G3BP2: variants seen among roughly 807,000 people sequenced by gnomAD.
G3BP2 encodes the protein G3BP stress granule assembly factor 2.
Under a neutral mutation model 56.7 loss-of-function variants are expected in G3BP2, and 11 were observed. That is an observed-to-expected ratio of 0.19 (90% CI 0.12 to 0.32). The LOEUF is 0.32. Among genes scored for constraint, G3BP2 ranks in the 10% least tolerant of loss-of-function variants. G3BP2 has a pLI of 1.00. For synonymous variants in G3BP2, 165 were observed against 191.6 expected (o/e 0.86, Z 1.15); for missense variants, 340 against 610.9 (o/e 0.56, Z 4.67).
intron 8 of G3BP2, 60 bp from the exon 9 acceptor site, chr4:75,648,801 A>C: frequency 1.0e-6 from 1 of 977,772 alleles, no homozygotes; most frequent in Non-Finnish European, 1.6e-6. Context: ...AAACCAACCA[A>C]AGCACCTAAC....
intron 3 of G3BP2, chr4:75,694,653 G>T: frequency 2.6e-6 from 1 of 389,508 alleles, no homozygotes; most frequent in Non-Finnish European, 3.5e-6. Context: ...TGGGAGAATC[G>T]CTTGAATCCG....
chr4:75,674,895 A>C (rs548741627), upstream of G3BP2, among the ~76,000 whole-genome samples: 1 of 151,174 alleles, frequency 6.6e-6, no homozygotes, highest in East Asian at 2.0e-4. Context: ...ACTAATTTTT[A>C]TATTTTTAGT....
chr4:75,700,320 G>A lies in G3BP2; in HGVS notation c.-25+20557C>T, dbSNP rs550339420. 8.1e-5 allele frequency among the ~76,000 whole-genome samples: 12 copies of A among 148,990 alleles called. No homozygotes were observed. The East Asian group carries it at 1.3e-3, about 16-fold the overall frequency. On this transcript the variant is annotated intron_variant, in intron 3 of 3. Coordinates refer to the G3BP2 transcript ENST00000499709. ...GCCAGACTTGGCCTCCCAAAGTGCT[G>A]GGATTACAGGCGTGAGCCACCACGC... is the stretch of plus-strand genomic sequence containing the variant.
At chr4:75,655,958 T>G (rs77397552) in intron 5 of G3BP2, 88 bp from the exon 6 acceptor site, 2 of 737,390 alleles carry the variant, frequency 2.7e-6, no homozygotes, top group African/African-American at 1.8e-5. Flanking sequence ...GGAAGTGGTA[T>G]GATAGCAAAA....
At chr4:75,673,649 C>T, upstream of G3BP2, 9 of 1,229,410 alleles carry the variant, frequency 7.3e-6, no homozygotes, top group Non-Finnish European at 9.1e-6. Context: ...TTTGACGTCA[C>T]AAGCAGGCTG....
At chr4:75,715,797 T>C (rs1205361990) in intron 3 of G3BP2, among the ~76,000 whole-genome samples, 1 of 152,194 alleles carries the variant, frequency 6.6e-6, no homozygotes, top group Non-Finnish European at 1.5e-5. Context: ...TGTTAAATAC[T>C]TCCTTTCACT....
At chr4:75,705,637 T>C (rs947060530) in intron 3 of G3BP2, among the ~76,000 whole-genome samples, 3 of 150,720 alleles carry the variant, frequency 2.0e-5, no homozygotes, top group African/African-American at 4.9e-5. Context: ...GGAAGGAGAG[T>C]GAGGGACAAA....
At chr4:75,707,794 A>C (rs1719609775) in intron 3 of G3BP2, among the ~76,000 whole-genome samples, 1 of 152,180 alleles carries the variant, frequency 6.6e-6, no homozygotes, top group African/African-American at 2.4e-5. Context: ...TGTGGCATTT[A>C]CTTAGAGCAG....
At chr4:75,668,528 T>C (rs747092534) in intron 1 of G3BP2, among the ~76,000 whole-genome samples, 3 of 151,884 alleles carry the variant, frequency 2.0e-5, no homozygotes, top group Non-Finnish European at 4.4e-5. Flanking sequence ...ATAACGCGAG[T>C]TGTCCAAATA....
intron 8 of G3BP2, among the ~76,000 whole-genome samples, chr4:75,650,064 G>T (rs1231621508): frequency 2.0e-5 from 3 of 152,114 alleles, no homozygotes; most frequent in Non-Finnish European, 4.4e-5. Flanking sequence ...GAGGACCTCA[G>T]TCCATGCAGC....
intron 1 of G3BP2, 143 bp from the exon 2 acceptor site, chr4:75,662,192 A>T: frequency 1.9e-6 from 1 of 537,496 alleles, no homozygotes. Context: ...AGTTCTGATA[A>T]CCCACTACCA....
At chr4:75,674,179 T>C (rs1159478210), upstream of G3BP2, among the ~76,000 whole-genome samples, 1 of 152,116 alleles carries the variant, frequency 6.6e-6, no homozygotes. Flanking sequence ...CCAAATCTTG[T>C]AGTCAAGGAA....
rs145115322 is a variant in G3BP2, at chr4:75,683,921, G to A, written c.-24-21872C>T. 1.4e-4 allele frequency among the ~76,000 whole-genome samples: 21 copies of A among 152,244 alleles called. 1 individual carries two copies. In the East Asian group the frequency reaches 3.9e-3, roughly 28 times the overall value. ...CCAAAGGCCTTTTGTGCACAAGAAA[G>A]CAGTCCTAGATAAAATGTGTTTGTA... On this transcript the variant is annotated intron_variant, in intron 3 of 3. Transcript: ENST00000499709.
intron 3 of G3BP2, among the ~76,000 whole-genome samples, chr4:75,689,840 G>T (rs1005286432): frequency 3.3e-5 from 5 of 152,120 alleles, no homozygotes; most frequent in Admixed American, 2.6e-4. Context: ...AGTAAAAGAC[G>T]CCAGACACAA....
rs992003343 is a variant in G3BP2 at position 75,673,307 on chromosome 4, G to A, written c.-124C>T. 25 of 1,226,370 alleles carry A rather than the reference G, an allele frequency of 2.0e-5. No homozygotes were observed. The highest frequency in any genetic ancestry group is 4.2e-5 in the South Asian group (1 of 23,616). The allele number at this position is 1,226,370 out of a possible 1,614,324, so 76.0% of individuals were successfully genotyped here. A position where few individuals can be genotyped will look rare whatever the true frequency, so the allele number is the denominator to read the frequency against. ...TTATTGCTCGCCGCCCCCTTCCTCC[G>A]ACAACTCGGAAGCCTCGGAAGCCGG... On this transcript the variant is annotated 5_prime_UTR_variant, in exon 1 of 12. Transcript: ENST00000359707.
chr4:75,674,538 T>A (rs944760377), upstream of G3BP2, among the ~76,000 whole-genome samples: 6 of 151,768 alleles, frequency 4.0e-5, no homozygotes, highest in Non-Finnish European at 1.5e-5. Flanking sequence ...GACCATCACT[T>A]TAATGAAATC....
chr4:75,659,638 T>C (rs1036193053), intron 2 of G3BP2, among the ~76,000 whole-genome samples: 1 of 152,208 alleles, frequency 6.6e-6, no homozygotes, highest in Non-Finnish European at 1.5e-5. Context: ...GCTTCCTTTA[T>C]GCTAAGCAAT....
chr4:75,662,683 TCCCTACC>T (rs2149003889), intron 1 of G3BP2, among the ~76,000 whole-genome samples: 1 of 152,314 alleles, frequency 6.6e-6, no homozygotes, highest in African/African-American at 2.4e-5. Context: ...TTTCTTGATT[TCCCTACC>T]CTTCGGTAAA....
chr4:75,696,640 T>C lies in G3BP2; in HGVS notation c.-25+24237A>G, dbSNP rs569144327. On this transcript the variant is annotated intron_variant, in intron 3 of 3. Transcript: ENST00000499709. ...ACTTCCCAGTGCCCAGTGGCCTTGG[T>C]AAAAAACATTAGATGTGTAAATGAT... Among the ~76,000 whole-genome samples the C allele has an allele frequency of 5.3e-5, 8 of 152,238 alleles. No homozygotes were observed. The East Asian group carries it at 1.5e-3, about 29-fold the overall frequency.
Sources: allele counts gnomAD v4.1 joint callset (sites outside exome capture counted in the v4.1 genomes callset), GRCh38; gene constraint gnomAD v4.1.1; transcripts MANE v1.5; gene names NCBI Gene and HGNC (gene_info 2026-07-23, HGNC 2026-07-21).